The following UBE2E2 variants were observed in gnomAD, a reference collection of about 807,000 sequenced individuals.
UBE2E2 encodes the protein ubiquitin-conjugating enzyme E2 E2.
UBE2E2 carries 6 observed loss-of-function variants against 24.7 expected under a neutral mutation model. That is an observed-to-expected ratio of 0.24 (90% CI 0.13 to 0.48). UBE2E2 has a LOEUF of 0.48. UBE2E2 is among the 20% of genes least tolerant of loss of function. UBE2E2 has a pLI of 0.99. For missense variants in UBE2E2, 169 were observed against 245.0 expected, an observed-to-expected ratio of 0.69 and a Z score of 2.07; for synonymous variants, 104 against 83.6, an observed-to-expected ratio of 1.24 and a Z score of -1.33.
At chr3:23,475,729 C>T (rs1699118527) in intron 3 of UBE2E2, among the ~76,000 whole-genome samples, 1 of 152,064 alleles carries the variant, frequency 6.6e-6, no homozygotes, top group African/African-American at 2.4e-5. Context: ...CTGCACACCA[C>T]TACTGCCCAG....
At chr3:23,530,054 A>C (rs1167783409) in intron 4 of UBE2E2, among the ~76,000 whole-genome samples, 1 of 152,224 alleles carries the variant, frequency 6.6e-6, no homozygotes, top group Non-Finnish European at 1.5e-5. Flanking sequence ...GAATTATTTG[A>C]AAATGAGTTT....
At chr3:23,378,617 T>C (rs1371999852) in intron 3 of UBE2E2, among the ~76,000 whole-genome samples, 3 of 152,218 alleles carry the variant, frequency 2.0e-5, no homozygotes, top group African/African-American at 7.2e-5. Flanking sequence ...TAATGTACAG[T>C]AAATTTTATG....
At chr3:23,543,604 G>A (rs1032037640) in intron 5 of UBE2E2, among the ~76,000 whole-genome samples, 4 of 151,652 alleles carry the variant, frequency 2.6e-5, no homozygotes, top group Admixed American at 2.0e-4. Context: ...TCATGTTCAT[G>A]GATTGGAAGA....
At chr3:23,464,354 A>G (rs1403143361) in intron 3 of UBE2E2, among the ~76,000 whole-genome samples, 3 of 152,176 alleles carry the variant, frequency 2.0e-5, no homozygotes, top group Admixed American at 1.3e-4. Context: ...ACCCTCAAGC[A>G]GTAAACTATA....
intron 3 of UBE2E2, among the ~76,000 whole-genome samples, chr3:23,374,340 T>A (rs1696467635): frequency 6.6e-6 from 1 of 152,208 alleles, no homozygotes; most frequent in Non-Finnish European, 1.5e-5. Flanking sequence ...TTACCTTTTT[T>A]AAAAGACAGA....
chr3:23,305,700 TAC>T (rs1699219807), intron 3 of UBE2E2, among the ~76,000 whole-genome samples: 1 of 152,144 alleles, frequency 6.6e-6, no homozygotes, highest in African/African-American at 2.4e-5. Flanking sequence ...CCCCTTTTCT[TAC>T]AGTTATTAAA....
At chr3:23,335,023 C>T (rs1695165080) in intron 3 of UBE2E2, among the ~76,000 whole-genome samples, 1 of 152,162 alleles carries the variant, frequency 6.6e-6, no homozygotes, top group Non-Finnish European at 1.5e-5. Context: ...GCAGATATCA[C>T]ATTAAATATG....
chr3:23,551,165 T>C lies in UBE2E2; in HGVS notation c.508+18464T>C, dbSNP rs148610454. ...ACACTCAACAACATAAAAATTGCAG[T>C]GTTCAACATTCCATAAAATATTACC... On this transcript the variant is annotated intron_variant, in intron 5 of 5. Transcript: ENST00000396703. Among the ~76,000 whole-genome samples, 1,100 of 152,228 alleles carry C rather than the reference T, an allele frequency of 7.2e-3. 23 individuals are homozygous for C. Among genetic ancestry groups the C allele is most frequent in the African/African-American group, 0.025 (1,058 of 41,542 alleles).
chr3:23,360,074 C>G (rs1445867190), intron 3 of UBE2E2, among the ~76,000 whole-genome samples: 2 of 152,112 alleles, frequency 1.3e-5, no homozygotes, highest in Non-Finnish European at 2.9e-5. Flanking sequence ...GTTCTTCTTT[C>G]AGATCAGAAA....
At chr3:23,347,889 G>A (rs997334878) in intron 3 of UBE2E2, among the ~76,000 whole-genome samples, 1 of 152,028 alleles carries the variant, frequency 6.6e-6, no homozygotes, top group Admixed American at 6.5e-5. Context: ...CTTATCTTTG[G>A]TTGATGACCT....
chr3:23,203,701 G>T, intron 1 of UBE2E2, among the ~76,000 whole-genome samples: 1 of 113,850 alleles, frequency 8.8e-6, no homozygotes, highest in Admixed American at 1.2e-4. Context: ...CCCCCCTTCT[G>T]CCTCTTCTCT....
At chr3:23,413,770 A>G (rs944593951) in intron 3 of UBE2E2, among the ~76,000 whole-genome samples, 7 of 152,144 alleles carry the variant, frequency 4.6e-5, no homozygotes, top group African/African-American at 1.2e-4. Context: ...GGTAAGCTCT[A>G]TAAGGTCAGG....
intron 4 of UBE2E2, among the ~76,000 whole-genome samples, chr3:23,523,815 C>CA (rs939136343): frequency 2.1e-4 from 25 of 116,512 alleles, no homozygotes; most frequent in African/African-American, 1.2e-3. Context: ...CTTGAAATCT[C>CA]AAAGAGGGGA....
At chr3:23,254,004 C>T (rs1697649166) in intron 3 of UBE2E2, among the ~76,000 whole-genome samples, 1 of 152,116 alleles carries the variant, frequency 6.6e-6, no homozygotes, top group African/African-American at 2.4e-5. Flanking sequence ...AGTTCTAGCT[C>T]TCAAGGAACT....
chr3:23,232,512 A>T (rs1460610330), intron 3 of UBE2E2, among the ~76,000 whole-genome samples: 1 of 152,238 alleles, frequency 6.6e-6, no homozygotes, highest in Admixed American at 6.5e-5. Flanking sequence ...AACTGTTTAG[A>T]ATCCTCCTGA....
At chr3:23,538,778 C>T (rs1472228409) in intron 5 of UBE2E2, among the ~76,000 whole-genome samples, 1 of 151,734 alleles carries the variant, frequency 6.6e-6, no homozygotes, top group African/African-American at 2.4e-5. Context: ...TTTAAAAAAA[C>T]AAAAAATAAC....
At chr3:23,543,619 A>G (rs1421487966) in intron 5 of UBE2E2, among the ~76,000 whole-genome samples, 2 of 152,204 alleles carry the variant, frequency 1.3e-5, no homozygotes, top group Non-Finnish European at 2.9e-5. Context: ...GGAAGAGTCA[A>G]TATTGTGAAA....
intron 3 of UBE2E2, among the ~76,000 whole-genome samples, chr3:23,372,280 G>A (rs1696417025): frequency 6.6e-6 from 1 of 151,920 alleles, no homozygotes; most frequent in Non-Finnish European, 1.5e-5. Context: ...TTTCTGTTTT[G>A]TTTACTAAGT....
In UBE2E2 at chr3:23,273,495, C is replaced by T. The variant is rs545324595; in HGVS notation, c.227+56183C>T. 4.1e-3 allele frequency among the ~76,000 whole-genome samples: 614 copies of T among 148,756 alleles called. 3 individuals carry two copies. The highest frequency in any genetic ancestry group is 0.017 in the Middle Eastern group (5 of 286). On this transcript the variant is annotated intron_variant, in intron 3 of 5. Transcript: ENST00000396703. ...GCAGTGAGCCGAGATTGCGCCACTG[C>T]ACTCCAGCCTGGGCGACAGAGCGAG...
Sources: allele counts gnomAD v4.1 joint callset (sites outside exome capture counted in the v4.1 genomes callset), GRCh38; gene constraint gnomAD v4.1.1; transcripts MANE v1.5; gene names NCBI Gene and HGNC (gene_info 2026-07-23, HGNC 2026-07-21).